Variants in TSPYL2 observed in about 807,000 individuals in gnomAD.
The protein encoded by TSPYL2 is testis-specific Y-encoded-like protein 2.
TSPYL2 carries 9 observed loss-of-function variants against 33.0 expected under a neutral mutation model. The observed-to-expected ratio is 0.27, with a 90% CI of 0.16 to 0.48. The LOEUF is 0.48. Among genes scored for constraint, TSPYL2 ranks in the 20% least tolerant of loss-of-function variants. TSPYL2 has a pLI of 0.99. For missense variants in TSPYL2, 636 were observed against 586.2 expected, an observed-to-expected ratio of 1.08 and a Z score of -0.88; for synonymous variants, 330 against 233.6, an observed-to-expected ratio of 1.41 and a Z score of -3.77.
intron 5 of TSPYL2, 117 bp from the exon 6 acceptor site, chrX:53,085,514 A>C: frequency 1.2e-6 from 1 of 847,538 alleles, no homozygotes; most frequent in Non-Finnish European, 1.7e-6. Flanking sequence ...TACCCACCCT[A>C]GCCCCATTCC....
intron 6 of TSPYL2, 52 bp downstream of exon 6, chrX:53,086,362 A>C: frequency 9.0e-7 from 1 of 1,106,515 alleles, no homozygotes; most frequent in Non-Finnish European, 1.2e-6. Flanking sequence ...TTCTCAGAGC[A>C]AGCCTGGCCA....
rs1324285451 is a variant in TSPYL2 at position 53,085,681 on chromosome X, A to G, written c.1289A>G (p.Tyr430Cys). Residue 430 changes from tyrosine (Y) to cysteine (C), a missense_variant, in exon 6 of 7, where the codon TAT (tyrosine) becomes TGT (cysteine). Physicochemically the swap from Tyr to Cys is radical, Grantham distance 194. Transcript: ENST00000375442. ...GTGATCATGGAAGACGCCCCTGACT[A>G]TTATGCAGTGGAAGACATTTTCAGC... is the stretch of plus-strand genomic sequence containing the variant. ...EVVIMEDAPD[Y>C]YAVEDIFSEI... The G allele has an allele frequency of 8.3e-7, 1 of 1,212,044 alleles. No individual in the cohort carries two copies. Among genetic ancestry groups the G allele is most frequent in the Non-Finnish European group, 1.1e-6 (1 of 895,589 alleles).
In TSPYL2 at chrX:53,085,030, G is replaced by A; in HGVS notation, c.1074G>A (p.Gln358=). 3.3e-6 allele frequency: 4 copies of A among 1,211,835 alleles called. No homozygotes were observed. Among genetic ancestry groups the A allele is most frequent in the Non-Finnish European group, 4.5e-6 (4 of 895,491 alleles). Residue 358 remains glutamine (Q), a synonymous_variant, in exon 4 of 7, where the codon CAG becomes CAA. Coordinates refer to ENST00000375442, the MANE Select transcript of TSPYL2 (RefSeq NM_022117.4). The stretch of plus-strand genomic sequence containing the variant: ...CCCAGGCCCGTCGTCACGGGAACCA[G>A]GATGCGAGCCACAGCTTTTTCAGCT... ...QEPQARRHGN[Q]DASHSFFSWF... is the part of the protein sequence containing the mutation.
In TSPYL2 at chrX:53,085,638, A is replaced by G; in HGVS notation, c.1246A>G (p.Arg416Gly). Residue 416 changes from arginine to glycine, a missense_variant, in exon 6 of 7, where the codon AGG (arginine) becomes GGG (glycine). This residue lies in a region of TSPYL2 where 401 missense variants were observed against 363.0 expected (regional missense o/e 1.10). Coordinates refer to ENST00000375442, the MANE Select transcript of TSPYL2 (RefSeq NM_022117.4). ...CCACAGCCTTCCTTACAGTAAAACC[A>G]GGGGCAGATGTGAGGTGGTGATCAT... ...KKQEMKKRKTRGRCEVVIMED... is the reference protein window; with the variant it reads ...KKQEMKKRKTGGRCEVVIMED... 1 of 1,211,699 alleles carries G rather than the reference A, an allele frequency of 8.3e-7. No homozygotes were observed.
In TSPYL2 at chrX:53,088,472, C is replaced by T. The variant is rs1431422265; in HGVS notation, c.*533C>T. On this transcript the variant is annotated 3_prime_UTR_variant, in exon 7 of 7. Transcript: ENST00000375442. ...CGGTATTCTTTGCGGTATTCTTGTC[C>T]CCGTCCCCCAGAAGGCTCGCCTCTC... 1.7e-5 allele frequency: 2 copies of T among 114,842 alleles called. No homozygotes were observed. The highest frequency in any genetic ancestry group is 6.4e-5 in the African/African-American group (2 of 31,295). 9.5% of individuals were successfully genotyped at this position (114,842 alleles called of 1,213,427 possible). A position where few individuals can be genotyped will look rare whatever the true frequency, so the allele number is the denominator to read the frequency against.
chrX:53,082,682 A>AG lies in TSPYL2; in HGVS notation c.190dup (p.Val64GlyfsTer30). On this transcript the variant is annotated frameshift_variant, in exon 1 of 7. Coordinates refer to ENST00000375442, the MANE Select transcript of TSPYL2 (RefSeq NM_022117.4). LOFTEE classifies it high-confidence loss of function. ...GGCGGCACAGGTGCTGGCCGATATG[A>AG]GGGGGGTGGGACTGGGCCCCGCGCT... The AG allele has an allele frequency of 8.7e-7, 1 of 1,151,686 alleles. No individual in the cohort carries two copies. The highest frequency in any genetic ancestry group is 1.2e-6 in the Non-Finnish European group (1 of 868,486). 94.9% of individuals were successfully genotyped at this position (1,151,686 alleles called of 1,213,427 possible).
In TSPYL2 at chrX:53,083,063, C is replaced by T. The variant is rs368493284; in HGVS notation, c.565C>T (p.Arg189Trp). The T allele has an allele frequency of 1.7e-6, 2 of 1,185,935 alleles. No homozygotes were observed. Among genetic ancestry groups the T allele is most frequent in the Non-Finnish European group, 1.1e-6 (1 of 876,764 alleles). The change falls in exon 1 of 7, where the codon CGG becomes TGG. Residue 189 changes from arginine (R) to tryptophan (W), a missense_variant. Physicochemically the swap from Arg to Trp is moderately radical, Grantham distance 101. Transcript: ENST00000375442. ...ERESMRSSRR[R>W]RRRRRRKQRK... ...GGAGAGTATGAGGAGCAGCAGGAGG[C>T]GGCGGCGGCGGCGGAGGAGGAAGCA...
rs1556809319 is a variant in TSPYL2, at chrX:53,088,290, G to A, written c.*351G>A. 2 of 179,630 alleles carry A rather than the reference G, an allele frequency of 1.1e-5. No homozygotes were observed. Among genetic ancestry groups the A allele is most frequent in the African/African-American group, 5.9e-5 (2 of 33,943 alleles). The allele number at this position is 179,630 out of a possible 1,213,427, so 14.8% of individuals were successfully genotyped here. A position where few individuals can be genotyped will look rare whatever the true frequency, so the allele number is the denominator to read the frequency against. On this transcript the variant is annotated 3_prime_UTR_variant, in exon 7 of 7. Transcript: ENST00000375442. Reference sequence around the variant, plus strand: ...GTGTGGAGTGGACACCCTGACCCCCGAAGCGGGGAGGGCCGCTGTGGCCTT... The same window carrying A: ...GTGTGGAGTGGACACCCTGACCCCCAAAGCGGGGAGGGCCGCTGTGGCCTT...
intron 6 of TSPYL2, 59 bp from the exon 7 acceptor site, chrX:53,087,717 C>T (rs1221931373): frequency 1.2e-5 from 13 of 1,128,320 alleles, no homozygotes; most frequent in Non-Finnish European, 1.4e-5. Context: ...AGAGTGACAC[C>T]TATCTGCTCA....
In TSPYL2 at chrX:53,085,846, A is replaced by G. The variant is rs1556808425; in HGVS notation, c.1454A>G (p.Asn485Ser). 2 of 1,211,790 alleles carry G rather than the reference A, an allele frequency of 1.7e-6. No homozygotes were observed. Among genetic ancestry groups the G allele is most frequent in the Admixed American group, 2.2e-5 (1 of 46,046 alleles). Residue 485 changes from asparagine to serine, a missense_variant, in exon 6 of 7, where the codon AAT becomes AGT. Around this residue, in one of 3 missense-constraint regions of TSPYL2, gnomAD observed 401 missense variants for 363.0 expected, o/e 1.10. Transcript: ENST00000375442. ...NICDSENPDHNEVPNNETTDN... is the reference protein window; with the variant it reads ...NICDSENPDHSEVPNNETTDN... ...TGCGACAGCGAGAATCCTGACCACA[A>G]TGAGGTCCCCAACAACGAGACCACT...
chrX:53,082,876 G>C lies in TSPYL2; in HGVS notation c.378G>C (p.Gly126=). 3.3e-6 allele frequency: 4 copies of C among 1,210,672 alleles called. No homozygotes were observed. The highest frequency in any genetic ancestry group is 2.3e-4 in the Middle Eastern group (1 of 4,351). ...EALPTPEASG[G]SLEIDFQVVQ... is the part of the protein sequence containing the mutation. ...TCCCCACTCCTGAGGCCTCGGGGGG[G>C]AGCCTGGAAATCGATTTTCAGGTTG... is the stretch of plus-strand genomic sequence containing the variant. The change falls in exon 1 of 7, where the codon GGG becomes GGC. Residue 126 remains glycine (G), a synonymous_variant. Coordinates refer to ENST00000375442, the MANE Select transcript of TSPYL2 (RefSeq NM_022117.4).
Position 53,085,321 on chromosome X carries a change from G to A in TSPYL2, c.1238G>A (p.Arg413His). 3 of 1,197,338 alleles carry A rather than the reference G, an allele frequency of 2.5e-6. No individual in the cohort carries two copies. Among genetic ancestry groups the A allele is most frequent in the African/African-American group, 1.7e-5 (1 of 57,318 alleles). ...AGAAAGAAGCAAGAAATGAAGAAAC[G>A]GTAATGGGAGTTTGGTCGCTGAGAG... ...IKRKKQEMKK[R>H]KTRGRCEVVI... The change falls in exon 5 of 7, where the codon CGT (arginine) becomes CAT (histidine). Residue 413 changes from arginine (R) to histidine (H), a missense_variant and splice_region_variant. This residue lies in a region of TSPYL2 where 401 missense variants were observed against 363.0 expected (regional missense o/e 1.10). Coordinates refer to ENST00000375442, the MANE Select transcript of TSPYL2 (RefSeq NM_022117.4).
At chrX:53,087,737 C>T (rs782607476) in intron 6 of TSPYL2, 39 bp from the exon 7 acceptor site, 151 of 1,174,327 alleles carry the variant, frequency 1.3e-4, no homozygotes, top group Admixed American at 2.0e-4. Context: ...ATCTAACTGC[C>T]TTCCTCCATT....
In TSPYL2 at chrX:53,085,839, G is replaced by A. The variant is rs377693568; in HGVS notation, c.1447G>A (p.Asp483Asn). 15 of 1,209,551 alleles carry A rather than the reference G, an allele frequency of 1.2e-5. No homozygotes were observed. In the African/African-American group the frequency reaches 2.6e-4, roughly 21 times the overall value. ...GAACATCTGCGACAGCGAGAATCCT[G>A]ACCACAATGAGGTCCCCAACAACGA... is the stretch of plus-strand genomic sequence containing the variant. ...NENICDSENP[D>N]HNEVPNNETT... The change falls in exon 6 of 7, where the codon GAC becomes AAC. Residue 483 changes from aspartate to asparagine, a missense_variant. Around this residue, in one of 3 missense-constraint regions of TSPYL2, gnomAD observed 401 missense variants for 363.0 expected, o/e 1.10. Transcript: ENST00000375442.
Position 53,085,546 on chromosome X carries a change from GCTTCCCCAGTTA to G in TSPYL2, c.1239-78_1239-67del, listed in dbSNP as rs1286559396. 14 of 1,010,827 alleles carry G rather than the reference GCTTCCCCAGTTA, an allele frequency of 1.4e-5. No individual in the cohort carries two copies. In the Admixed American group the frequency reaches 2.2e-4, roughly 16 times the overall value. 83.3% of individuals were successfully genotyped at this position (1,010,827 alleles called of 1,213,427 possible). On this transcript the variant is annotated intron_variant, in intron 5 of 6. Coordinates refer to ENST00000375442, the MANE Select transcript of TSPYL2 (RefSeq NM_022117.4). ...TTCCTGGGATCCCTTATAGCCTACT[GCTTCCCCAGTTA>G]CTTCCCACCTTTGAGTGCTATGAGT... is the stretch of plus-strand genomic sequence containing the variant.
rs1270566638 is a variant in TSPYL2, at chrX:53,088,217, T to C, written c.*278T>C. 2 of 306,106 alleles carry C rather than the reference T, an allele frequency of 6.5e-6. No homozygotes were observed. The highest frequency in any genetic ancestry group is 1.2e-5 in the Non-Finnish European group (2 of 172,830). The allele number at this position is 306,106 out of a possible 1,213,427, so 25.2% of individuals were successfully genotyped here. Reference sequence around the variant, plus strand: ...TGTGATGCCTTGGTCAGGGCCCCTCTACCCACTTCTCCCAGTCAGTTGTGG... The same window carrying C: ...TGTGATGCCTTGGTCAGGGCCCCTCCACCCACTTCTCCCAGTCAGTTGTGG... On this transcript the variant is annotated 3_prime_UTR_variant, in exon 7 of 7. Coordinates refer to ENST00000375442, the MANE Select transcript of TSPYL2 (RefSeq NM_022117.4).
intron 6 of TSPYL2, chrX:53,086,685 G>C (rs1932770526): frequency 4.2e-6 from 1 of 238,596 alleles, no homozygotes; most frequent in South Asian, 5.9e-5. Flanking sequence ...TTCCAGGCTT[G>C]TGTTGGGAGC....
intron 6 of TSPYL2, 126 bp from the exon 7 acceptor site, chrX:53,087,650 C>CGCT: frequency 3.0e-6 from 2 of 677,524 alleles, no homozygotes; most frequent in Non-Finnish European, 2.2e-6. Context: ...CAAGCAGAGG[C>CGCT]GCTGACAAGT....
chrX:53,087,444 A>T (rs1201504853), intron 6 of TSPYL2: 20 of 180,207 alleles, frequency 1.1e-4, no homozygotes, highest in Non-Finnish European at 1.8e-4. Context: ...GGAGATGAAT[A>T]GGTTTATTCA....
Sources: allele counts gnomAD v4.1 joint callset, GRCh38; gene constraint gnomAD v4.1.1; regional missense constraint gnomAD v4.1.1; transcripts MANE v1.5; gene names NCBI Gene and HGNC (gene_info 2026-07-23, HGNC 2026-07-21).